Variants in PCDH7 observed in about 807,000 individuals in gnomAD.
The protein encoded by PCDH7 is protocadherin-7.
In PCDH7, 17 loss-of-function variants were observed where a neutral mutation model predicts 58.9. That is an observed-to-expected ratio of 0.29 (90% confidence interval 0.20 to 0.43). The LOEUF (loss-of-function observed/expected upper bound fraction) is 0.43. PCDH7 is among the 20% of genes least tolerant of loss of function. The pLI is 1.00. For missense variants in PCDH7, 1,274 were observed against 1,441.0 expected, an observed-to-expected ratio of 0.88 and a Z score of 1.88; for synonymous variants, 664 against 616.4, an observed-to-expected ratio of 1.08 and a Z score of -1.14.
chr4:30,834,198 G>A (rs971003717), intron 1 of PCDH7, among the ~76,000 whole-genome samples: 1 of 152,156 alleles, frequency 6.6e-6, no homozygotes, highest in Non-Finnish European at 1.5e-5. Context: ...CACTGGCCTA[G>A]AAAGTCACAC....
intron 1 of PCDH7, among the ~76,000 whole-genome samples, chr4:30,824,002 G>C (rs1181020798): frequency 6.6e-6 from 1 of 152,106 alleles, no homozygotes; most frequent in East Asian, 1.9e-4. Context: ...GGATTTCACA[G>C]AAATATCAGT....
chr4:30,826,077 C>T (rs1729060175), intron 1 of PCDH7, among the ~76,000 whole-genome samples: 1 of 152,016 alleles, frequency 6.6e-6, no homozygotes, highest in South Asian at 2.1e-4. Context: ...TCTTTGTGCC[C>T]CAAAGAAGGC....
chr4:30,811,015 G>A (rs1726922394), intron 1 of PCDH7, among the ~76,000 whole-genome samples: 1 of 152,134 alleles, frequency 6.6e-6, no homozygotes, highest in South Asian at 2.1e-4. Context: ...GGCAACATAA[G>A]GCCACAACTC....
chr4:30,933,070 A>T (rs1056817108), intron 2 of PCDH7, among the ~76,000 whole-genome samples: 2 of 150,764 alleles, frequency 1.3e-5, no homozygotes, highest in African/African-American at 4.9e-5. Flanking sequence ...CTCTGTCGCC[A>T]GGCTGGAGTG....
At chr4:30,727,795 T>C (rs3775333) in intron 1 of PCDH7, among the ~76,000 whole-genome samples, 17,674 of 151,864 alleles carry the variant, frequency 0.12, 1,435 homozygotes, top group East Asian at 0.3. Flanking sequence ...GTGCTAAGCA[T>C]TTTTCAATTT....
chr4:30,914,395 G>A (rs1362349132), intron 1 of PCDH7, among the ~76,000 whole-genome samples: 2 of 152,056 alleles, frequency 1.3e-5, no homozygotes, highest in African/African-American at 4.8e-5. Flanking sequence ...TGTCATAATG[G>A]AAACAAAAAT....
At chr4:30,895,081 C>CT (rs57967671) in intron 1 of PCDH7, among the ~76,000 whole-genome samples, 11 of 151,090 alleles carry the variant, frequency 7.3e-5, no homozygotes, top group Admixed American at 3.3e-4. Context: ...AAATGAATAT[C>CT]TTTTTTTATT....
intron 1 of PCDH7, among the ~76,000 whole-genome samples, chr4:30,768,220 T>G (rs1341809332): frequency 2.0e-5 from 3 of 152,194 alleles, no homozygotes; most frequent in Non-Finnish European, 4.4e-5. Context: ...TCTTATTTGA[T>G]CTCTTAATTT....
chr4:31,009,964 C>A (rs1335237535), intron 3 of PCDH7, among the ~76,000 whole-genome samples: 7 of 151,876 alleles, frequency 4.6e-5, no homozygotes. Flanking sequence ...ACTGGCTTTG[C>A]CATTTTTGAA....
At chr4:30,973,126 G>A (rs538030554) in intron 3 of PCDH7, among the ~76,000 whole-genome samples, 1 of 152,270 alleles carries the variant, frequency 6.6e-6, no homozygotes, top group South Asian at 2.1e-4. Flanking sequence ...GCCTTTAAAT[G>A]GCCAAGTGTG....
intron 1 of PCDH7, among the ~76,000 whole-genome samples, chr4:30,804,899 C>T (rs1025469672): frequency 6.6e-6 from 1 of 152,176 alleles, no homozygotes; most frequent in Non-Finnish European, 1.5e-5. Flanking sequence ...TAGTCGTTCT[C>T]TATTAGTCAC....
chr4:30,964,683 G>A (rs1213556264), intron 3 of PCDH7, among the ~76,000 whole-genome samples: 2 of 151,112 alleles, frequency 1.3e-5, no homozygotes, highest in African/African-American at 2.4e-5. Flanking sequence ...CAGAGCTTTG[G>A]ACAACAGAAG....
intron 1 of PCDH7, among the ~76,000 whole-genome samples, chr4:30,745,983 G>A (rs1435129768): frequency 6.6e-6 from 1 of 152,080 alleles, no homozygotes; most frequent in Non-Finnish European, 1.5e-5. Flanking sequence ...GGGATTACAG[G>A]CATGCACCAC....
rs149002067 is a variant in PCDH7, at chr4:30,914,876, G to A, written c.71-5277G>A. Among the ~76,000 whole-genome samples, 29 of 152,220 alleles carry A rather than the reference G, an allele frequency of 1.9e-4. No homozygotes were observed. In the East Asian group the frequency reaches 5.2e-3, roughly 27 times the overall value. On this transcript the variant is annotated intron_variant, in intron 1 of 3. Coordinates refer to the PCDH7 transcript ENST00000509759. ...TCAGGTAACTTGTCCTCTAGGTCAC[G>A]TAAGGTTTCTTGGAATAGAATTCTT...
Position 31,096,911 on chromosome 4 carries a change from T to G in PCDH7, c.*8-45562T>G, listed in dbSNP as rs1277326501. On this transcript the variant is annotated intron_variant, in intron 3 of 3. Transcript: ENST00000509759. ...GTGAAAATACTAATAAATTCCTTGTTTGTGTGTGTGTGTGTGTTGTGAATA... is the reference window on the plus strand; with the variant it reads ...GTGAAAATACTAATAAATTCCTTGTGTGTGTGTGTGTGTGTGTTGTGAATA... Among the ~76,000 whole-genome samples the G allele has an allele frequency of 8.5e-5, 8 of 93,976 alleles. 1 individual carries two copies. The highest frequency in any genetic ancestry group is 4.9e-4 in the African/African-American group (7 of 14,176). 61.7% of individuals were successfully genotyped at this position (93,976 alleles called of 152,430 possible).
intron 3 of PCDH7, among the ~76,000 whole-genome samples, chr4:31,042,899 G>A (rs1276113387): frequency 6.6e-6 from 1 of 152,118 alleles, no homozygotes; most frequent in Non-Finnish European, 1.5e-5. Context: ...GAAAGTCAGA[G>A]GTTCAGGGGC....
chr4:30,752,646 T>G (rs1232009189), intron 1 of PCDH7, among the ~76,000 whole-genome samples: 2 of 150,798 alleles, frequency 1.3e-5, no homozygotes, highest in Non-Finnish European at 3.0e-5. Flanking sequence ...TTTTTTTTTT[T>G]GCAAACTTTA....
At chr4:30,880,531 T>C (rs562293199) in intron 1 of PCDH7, among the ~76,000 whole-genome samples, 1 of 152,256 alleles carries the variant, frequency 6.6e-6, no homozygotes, top group South Asian at 2.1e-4. Flanking sequence ...TCTAATAAAG[T>C]TCTTTATGCA....
chr4:30,855,866 T>C (rs1733383744), intron 1 of PCDH7, among the ~76,000 whole-genome samples: 1 of 152,160 alleles, frequency 6.6e-6, no homozygotes, highest in African/African-American at 2.4e-5. Flanking sequence ...GGAGATTAAA[T>C]CTACATTGTA....
Sources: allele counts gnomAD v4.1 joint callset (sites outside exome capture counted in the v4.1 genomes callset), GRCh38; gene constraint gnomAD v4.1.1; transcripts MANE v1.5; gene names NCBI Gene and HGNC (gene_info 2026-07-23, HGNC 2026-07-21).